CCDC85C: variants seen among roughly 807,000 people sequenced by gnomAD.
CCDC85C encodes the protein coiled-coil domain-containing protein 85C.
In CCDC85C, 18 loss-of-function variants were observed where a neutral mutation model predicts 38.3. The observed-to-expected ratio is 0.47, with a 90% CI of 0.33 to 0.70. CCDC85C has a LOEUF of 0.70. Ranked by LOEUF, CCDC85C falls within the 30% of genes least tolerant of loss-of-function variation. The pLI is 0.03. For synonymous variants in CCDC85C, 264 were observed against 293.8 expected, an observed-to-expected ratio of 0.90 and a Z score of 1.04; for missense variants, 566 against 621.2, an observed-to-expected ratio of 0.91 and a Z score of 0.94.
Position 99,556,306 on chromosome 14 carries a change from T to C in CCDC85C, c.794-20218A>G, listed in dbSNP as rs899444834. On this transcript the variant is annotated intron_variant, in intron 1 of 5. Coordinates refer to ENST00000380243, the MANE Select transcript of CCDC85C (RefSeq NM_001144995.2). ...GGTGGTGCATGCCTGTAGTCCCAGC[T>C]ACTTGGGAGGCTAAGGCGGGAGGAT... Among the ~76,000 whole-genome samples, 13 of 152,274 alleles carry C rather than the reference T, an allele frequency of 8.5e-5. No individual in the cohort carries two copies. In the East Asian group the frequency reaches 2.5e-3, roughly 29 times the overall value.
rs751539159 is a variant in CCDC85C, at chr14:99,510,803, T to C, written c.*4443A>G. ...GATAACGTGAGCCTTTTTTCCCTCT[T>C]TGTTTTTTTAACAAGATTTTCTAAT... On this transcript the variant is annotated 3_prime_UTR_variant, in exon 6 of 6. Coordinates refer to ENST00000380243, the MANE Select transcript of CCDC85C (RefSeq NM_001144995.2). The C allele has an allele frequency of 4.3e-6, 6 of 1,409,388 alleles. No homozygotes were observed. Among genetic ancestry groups the C allele is most frequent in the African/African-American group, 1.5e-5 (1 of 67,968 alleles). The allele number at this position is 1,409,388 out of a possible 1,614,324, so 87.3% of individuals were successfully genotyped here.
chr14:99,542,983 C>T (rs1420238778), intron 1 of CCDC85C, among the ~76,000 whole-genome samples: 1 of 152,134 alleles, frequency 6.6e-6, no homozygotes, highest in Non-Finnish European at 1.5e-5. Context: ...CTGCCTACTC[C>T]CTGGATCCCA....
Position 99,588,375 on chromosome 14 carries a change from C to T in CCDC85C, c.793+14792G>A, listed in dbSNP as rs531859434. Among the ~76,000 whole-genome samples the T allele has an allele frequency of 5.9e-5, 9 of 152,156 alleles. No homozygotes were observed. Among genetic ancestry groups the T allele is most frequent in the African/African-American group, 1.9e-4 (8 of 41,536 alleles). On this transcript the variant is annotated intron_variant, in intron 1 of 5. Coordinates refer to ENST00000380243, the MANE Select transcript of CCDC85C (RefSeq NM_001144995.2). The surrounding 1 kb of genome is among the most constrained non-coding windows in gnomAD (Gnocchi z 5.0). ...ACCTTCTCCTCACCCCAGGCCCCGC[C>T]GGGTGCTCCTAAGCCTGCTGTTTCC...
In CCDC85C at chr14:99,502,966, A is replaced by C. The variant is rs772822750; in HGVS notation, c.*12280T>G. ...CCTCTCCGCAGCCCAGTTCTCCCCGACAGGTTAAGCGAGCCGTGGTGAGTG... is the reference window on the plus strand; with the variant it reads ...CCTCTCCGCAGCCCAGTTCTCCCCGCCAGGTTAAGCGAGCCGTGGTGAGTG... On this transcript the variant is annotated 3_prime_UTR_variant, in exon 6 of 6. Coordinates refer to ENST00000380243, the MANE Select transcript of CCDC85C (RefSeq NM_001144995.2). The C allele has an allele frequency of 3.7e-6, 6 of 1,613,830 alleles. No homozygotes were observed. Among genetic ancestry groups the C allele is most frequent in the Non-Finnish European group, 4.2e-6 (5 of 1,179,888 alleles).
Position 99,572,759 on chromosome 14 carries a change from G to A in CCDC85C, c.793+30408C>T. ...GTCCCATCCATGGATTTGTTTGCCA[G>A]TTTATCCATCTTCCAAAGGAGACTT... On this transcript the variant is annotated intron_variant, in intron 1 of 5. Coordinates refer to ENST00000380243, the MANE Select transcript of CCDC85C (RefSeq NM_001144995.2). This position sits in a 1 kb window ranked among gnomAD's most constrained non-coding sequence, Gnocchi z 4.4. 2.2e-6 allele frequency: 1 copy of A among 456,072 alleles called. No individual in the cohort carries two copies. The highest frequency in any genetic ancestry group is 4.4e-6 in the Non-Finnish European group (1 of 226,798). 28.3% of individuals were successfully genotyped at this position (456,072 alleles called of 1,614,324 possible).
rs1289919737 is a variant in CCDC85C at position 99,507,117 on chromosome 14, C to T, written c.*8129G>A. The T allele has an allele frequency of 1.9e-6, 3 of 1,611,800 alleles. No homozygotes were observed. The highest frequency in any genetic ancestry group is 2.5e-6 in the Non-Finnish European group (3 of 1,178,060). The stretch of plus-strand genomic sequence containing the variant: ...AATCCCCAAAATTGAGACCACTCAT[C>T]CACCGTTGCCTCCAGCCCACCCACC... On this transcript the variant is annotated 3_prime_UTR_variant, in exon 6 of 6. Coordinates refer to ENST00000380243, the MANE Select transcript of CCDC85C (RefSeq NM_001144995.2).
rs867330855 is a variant in CCDC85C at position 99,520,966 on chromosome 14, G to C, written c.975+1167C>G. On this transcript the variant is annotated intron_variant, in intron 3 of 5. Transcript: ENST00000380243. The surrounding 1 kb of genome is among the most constrained non-coding windows in gnomAD (Gnocchi z 4.1). ...CCTTGAGGCTCGGCCCATGCCTGAG[G>C]TGTGCTCTCCAGAGGCCTGCAGGGA... Among the ~76,000 whole-genome samples the C allele has an allele frequency of 6.6e-6, 1 of 152,236 alleles. No homozygotes were observed. Among genetic ancestry groups the C allele is most frequent in the Non-Finnish European group, 1.5e-5 (1 of 68,036 alleles).
At chr14:99,523,901 G>A (rs1271146821) in intron 2 of CCDC85C, among the ~76,000 whole-genome samples, 1 of 152,020 alleles carries the variant, frequency 6.6e-6, no homozygotes, top group Non-Finnish European at 1.5e-5. Flanking sequence ...CGGCCCGCAG[G>A]TGGAGGTCAG....
Position 99,544,428 on chromosome 14 carries a change from T to C in CCDC85C, c.794-8340A>G, listed in dbSNP as rs971306138. Among the ~76,000 whole-genome samples the C allele has an allele frequency of 2.0e-5, 3 of 152,068 alleles. No individual in the cohort carries two copies. Among genetic ancestry groups the C allele is most frequent in the Non-Finnish European group, 4.4e-5 (3 of 68,010 alleles). On this transcript the variant is annotated intron_variant, in intron 1 of 5. Coordinates refer to ENST00000380243, the MANE Select transcript of CCDC85C (RefSeq NM_001144995.2). The surrounding 1 kb of genome is among the most constrained non-coding windows in gnomAD (Gnocchi z 5.3). ...ACTCCCCCAACAAAGAGACCGAGGT[T>C]CCGAGGGGCTCCATAACCACCCAGT... is the stretch of plus-strand genomic sequence containing the variant.
rs1159221312 is a variant in CCDC85C at position 99,513,130 on chromosome 14, AG to A, written c.*2115del. The stretch of plus-strand genomic sequence containing the variant: ...CCCCTTGAGGGGAAAGGTGGCTTCA[AG>A]GCTGTTCTCTGGGCCTGTTTGCAGG... On this transcript the variant is annotated 3_prime_UTR_variant, in exon 6 of 6. Transcript: ENST00000380243. 1 of 152,246 alleles carries A rather than the reference AG, an allele frequency of 6.6e-6. No homozygotes were observed. The highest frequency in any genetic ancestry group is 6.5e-5 in the Admixed American group (1 of 15,286). The allele number at this position is 152,246 out of a possible 1,614,324, so 9.4% of individuals were successfully genotyped here. A position where few individuals can be genotyped will look rare whatever the true frequency, so the allele number is the denominator to read the frequency against.
At chr14:99,562,411 C>A (rs766332173) in intron 1 of CCDC85C, among the ~76,000 whole-genome samples, 3 of 152,226 alleles carry the variant, frequency 2.0e-5, no homozygotes, top group Admixed American at 2.0e-4. Context: ...CACTGAGGAA[C>A]AGTAACGCGC....
At chr14:99,571,337 T>C (rs1425853566) in intron 1 of CCDC85C, among the ~76,000 whole-genome samples, 2 of 130,562 alleles carry the variant, frequency 1.5e-5, no homozygotes, top group Non-Finnish European at 3.3e-5. Context: ...GCAGCAATAG[T>C]AGTAGTAGTA....
rs182869845 is a variant in CCDC85C, at chr14:99,547,560, C to A, written c.794-11472G>T. Among the ~76,000 whole-genome samples the A allele has an allele frequency of 8.3e-3, 1,262 of 152,072 alleles. 7 individuals carry two copies. The highest frequency in any genetic ancestry group is 0.013 in the Non-Finnish European group (911 of 67,976). On this transcript the variant is annotated intron_variant, in intron 1 of 5. Transcript: ENST00000380243. Reference sequence around the variant, plus strand: ...AGGCTGAGGCGGGCAGATCACCTGACGCCAGGAGTTCGAGACTAGCCTGGC... The same window carrying A: ...AGGCTGAGGCGGGCAGATCACCTGAAGCCAGGAGTTCGAGACTAGCCTGGC...
chr14:99,556,932 G>C (rs1898022551), intron 1 of CCDC85C, among the ~76,000 whole-genome samples: 1 of 151,038 alleles, frequency 6.6e-6, no homozygotes, highest in Non-Finnish European at 1.5e-5. Flanking sequence ...AGTCCAGAGA[G>C]AGAATGATAA....
chr14:99,508,095 GC>G lies in CCDC85C; in HGVS notation c.*7150del, dbSNP rs1047017086. 1 of 152,238 alleles carries G rather than the reference GC, an allele frequency of 6.6e-6. No individual in the cohort carries two copies. The highest frequency in any genetic ancestry group is 1.5e-5 in the Non-Finnish European group (1 of 68,056). 9.4% of individuals were successfully genotyped at this position (152,238 alleles called of 1,614,324 possible). Reference sequence around the variant, plus strand: ...GTCGGTGCACGTGGCTCACACTGGGGCTGACAGCACTGTGTGCCCGTAACAG... The same window carrying G: ...GTCGGTGCACGTGGCTCACACTGGGGTGACAGCACTGTGTGCCCGTAACAG... On this transcript the variant is annotated 3_prime_UTR_variant, in exon 6 of 6. Coordinates refer to ENST00000380243, the MANE Select transcript of CCDC85C (RefSeq NM_001144995.2).
intron 2 of CCDC85C, among the ~76,000 whole-genome samples, chr14:99,526,540 A>C (rs1897387517): frequency 6.6e-6 from 1 of 152,158 alleles, no homozygotes; most frequent in Non-Finnish European, 1.5e-5. Flanking sequence ...CCCAGGGAGC[A>C]AGGCCACGGC....
intron 1 of CCDC85C, among the ~76,000 whole-genome samples, chr14:99,542,341 G>A (rs1406911648): frequency 6.6e-6 from 1 of 152,244 alleles, no homozygotes; most frequent in African/African-American, 2.4e-5. Flanking sequence ...TCTTAAGCCA[G>A]TGCTCTTGGT....
At chr14:99,574,291 A>AT (rs10713344) in intron 1 of CCDC85C, among the ~76,000 whole-genome samples, 2,850 of 151,362 alleles carry the variant, frequency 0.019, 95 homozygotes, top group African/African-American at 0.065. Context: ...TGCTCCAGGG[A>AT]TTTTTTTTTG....
At chr14:99,601,383 G>A (rs575467173) in intron 1 of CCDC85C, among the ~76,000 whole-genome samples, 10 of 152,180 alleles carry the variant, frequency 6.6e-5, no homozygotes, top group Admixed American at 2.6e-4. Context: ...ATTCACTGTC[G>A]CAGCTGACAT....
Sources: allele counts gnomAD v4.1 joint callset (sites outside exome capture counted in the v4.1 genomes callset), GRCh38; gene constraint gnomAD v4.1.1; non-coding constraint Gnocchi (gnomAD v3.1); transcripts MANE v1.5; gene names NCBI Gene and HGNC (gene_info 2026-07-23, HGNC 2026-07-21).